The following MROH9 variants were observed in gnomAD, a reference collection of about 807,000 sequenced individuals.
MROH9 encodes the protein maestro heat like repeat family member 9, also known as maestro heat-like repeat-containing protein family member 9.
In MROH9, 92 loss-of-function variants were observed where a neutral mutation model predicts 98.2. That is an observed-to-expected ratio of 0.94 (90% CI 0.79 to 1.11). The LOEUF is 1.11. Ranked by LOEUF, MROH9 falls within the 50% of genes most tolerant of loss-of-function variation. The pLI, the probability that MROH9 is intolerant of heterozygous loss-of-function variation, is 0.00. For missense variants in MROH9, 1,057 were observed against 1,014.8 expected, an observed-to-expected ratio of 1.04 and a Z score of -0.57; for synonymous variants, 397 against 368.9, an observed-to-expected ratio of 1.08 and a Z score of -0.87.
chr1:170,937,770 G>A (rs1475576929), intron 1 of MROH9, among the ~76,000 whole-genome samples: 10 of 151,886 alleles, frequency 6.6e-5, no homozygotes, highest in Non-Finnish European at 5.9e-5. Flanking sequence ...TGATCCGCCC[G>A]CCTCGGCCTC....
At chr1:170,943,710 C>A (rs930895714) in intron 1 of MROH9, among the ~76,000 whole-genome samples, 3 of 151,396 alleles carry the variant, frequency 2.0e-5, no homozygotes, top group African/African-American at 7.3e-5. Flanking sequence ...GACAATGGAA[C>A]AATGTCTGTA....
At chr1:171,057,754 A>G (rs1339564329) in intron 20 of MROH9, among the ~76,000 whole-genome samples, 2 of 152,218 alleles carry the variant, frequency 1.3e-5, no homozygotes, top group Admixed American at 1.3e-4. Flanking sequence ...AGCCAATCAG[A>G]CGAAGAGTGG....
intron 20 of MROH9, among the ~76,000 whole-genome samples, chr1:171,042,870 A>C (rs1653351860): frequency 6.6e-6 from 1 of 152,028 alleles, no homozygotes. Context: ...TGAACTCCTT[A>C]TATATTCTGG....
chr1:170,998,298 G>A, intron 15 of MROH9, 24 bp downstream of exon 15: 1 of 1,613,404 alleles, frequency 6.2e-7, no homozygotes, highest in Non-Finnish European at 8.5e-7. Flanking sequence ...ACTGTGAACA[G>A]CTGTGTTCTC....
intron 1 of MROH9, among the ~76,000 whole-genome samples, chr1:170,944,910 T>C (rs1467083591): frequency 6.6e-6 from 1 of 152,052 alleles, no homozygotes; most frequent in Non-Finnish European, 1.5e-5. Context: ...ATCATTCTCA[T>C]GATTATGTTA....
intron 7 of MROH9, among the ~76,000 whole-genome samples, chr1:170,971,322 T>C (rs573683963): frequency 1.3e-5 from 2 of 152,312 alleles, no homozygotes; most frequent in Non-Finnish European, 2.9e-5. Context: ...CAGTGACTTG[T>C]AGAAACATCT....
intron 3 of MROH9, among the ~76,000 whole-genome samples, chr1:170,953,816 G>T: frequency 6.8e-6 from 1 of 146,538 alleles, no homozygotes; most frequent in South Asian, 2.2e-4. Flanking sequence ...GAGAGAGAGA[G>T]ATGAAAGAAA....
chr1:170,945,534 G>C lies in MROH9; in HGVS notation c.-23G>C, dbSNP rs1301081486. 1 of 1,611,728 alleles carries C rather than the reference G, an allele frequency of 6.2e-7. No individual in the cohort carries two copies. The highest frequency in any genetic ancestry group is 8.5e-7 in the Non-Finnish European group (1 of 1,178,670). On this transcript the variant is annotated 5_prime_UTR_variant, in exon 2 of 22. Transcript: ENST00000367759. ...ATTTTTTGCAGCATTACTAGTAGAA[G>C]ACTTTAATACACCTCTGTCAGCATG...
intron 10 of MROH9, among the ~76,000 whole-genome samples, chr1:170,987,610 T>G (rs1479143382): frequency 1.3e-5 from 2 of 152,198 alleles, no homozygotes; most frequent in Non-Finnish European, 2.9e-5. Context: ...ATACATATAT[T>G]GTGCAATGCC....
intron 15 of MROH9, among the ~76,000 whole-genome samples, chr1:171,013,126 C>T (rs1443260065): frequency 5.3e-5 from 8 of 152,120 alleles, no homozygotes; most frequent in Non-Finnish European, 8.8e-5. Flanking sequence ...CTAGCTAATG[C>T]CAACTCACAA....
chr1:171,017,410 C>T (rs963243279), intron 17 of MROH9, among the ~76,000 whole-genome samples: 1 of 152,214 alleles, frequency 6.6e-6, no homozygotes, highest in Non-Finnish European at 1.5e-5. Flanking sequence ...CCTGGGAAAA[C>T]GTGTTTTTTC....
intron 20 of MROH9, among the ~76,000 whole-genome samples, chr1:171,049,769 C>T (rs1653605725): frequency 6.6e-6 from 1 of 152,032 alleles, no homozygotes; most frequent in African/African-American, 2.4e-5. Context: ...CAGCCTCGAC[C>T]TCCCAGGTTC....
At chr1:170,967,322 A>T (rs1272011857) in intron 7 of MROH9, among the ~76,000 whole-genome samples, 1 of 152,186 alleles carries the variant, frequency 6.6e-6, no homozygotes, top group Non-Finnish European at 1.5e-5. Context: ...CAATCAGGGA[A>T]GCATAAAACT....
chr1:170,944,261 G>C (rs1482241843), intron 1 of MROH9, among the ~76,000 whole-genome samples: 1 of 151,844 alleles, frequency 6.6e-6, no homozygotes, highest in Non-Finnish European at 1.5e-5. Context: ...AGAAGTTATT[G>C]TAATCCTAAA....
At chr1:170,981,163 G>A (rs1034213048) in intron 8 of MROH9, among the ~76,000 whole-genome samples, 1 of 152,142 alleles carries the variant, frequency 6.6e-6, no homozygotes, top group African/African-American at 2.4e-5. Flanking sequence ...CACTGTTGGT[G>A]GGAATGTAAG....
chr1:171,012,855 T>C (rs1484024427), intron 15 of MROH9, among the ~76,000 whole-genome samples: 6 of 152,112 alleles, frequency 3.9e-5, no homozygotes, highest in Non-Finnish European at 7.4e-5. Flanking sequence ...TGACTGTCAG[T>C]TATTAAATGT....
intron 20 of MROH9, among the ~76,000 whole-genome samples, chr1:171,027,919 C>G (rs1652780394): frequency 1.3e-5 from 2 of 151,280 alleles, no homozygotes; most frequent in Non-Finnish European, 3.0e-5. Flanking sequence ...TGTTAAGTTA[C>G]TTGTAGATTC....
intron 5 of MROH9, 107 bp downstream of exon 5, chr1:170,959,704 CT>C: frequency 1.0e-6 from 1 of 999,762 alleles, no homozygotes; most frequent in Non-Finnish European, 1.4e-6. Flanking sequence ...CCTCTTCACT[CT>C]TTTTAGTTAT....
chr1:171,003,213 A>G, intron 15 of MROH9, among the ~76,000 whole-genome samples: 1 of 152,108 alleles, frequency 6.6e-6, no homozygotes, highest in East Asian at 1.9e-4. Context: ...GATTAGCTTA[A>G]TAACTAAACT....
Sources: allele counts gnomAD v4.1 joint callset (sites outside exome capture counted in the v4.1 genomes callset), GRCh38; gene constraint gnomAD v4.1.1; transcripts MANE v1.5; gene names NCBI Gene and HGNC (gene_info 2026-07-23, HGNC 2026-07-21).